The following EWSR1 variants were observed in gnomAD, a reference collection of about 807,000 sequenced individuals.
The protein encoded by EWSR1 is RNA-binding protein EWS.
Under a neutral mutation model 92.1 loss-of-function variants are expected in EWSR1, and 14 were observed. The ratio of observed to expected loss-of-function variants is 0.15; its 90% CI spans 0.10 to 0.24. The LOEUF is 0.24. Ranked by LOEUF, EWSR1 falls within the 10% of genes least tolerant of loss-of-function variation. EWSR1 has a pLI of 1.00. For missense variants in EWSR1, 637 were observed against 870.9 expected (o/e 0.73, Z 3.38); for synonymous variants, 303 against 292.9 (o/e 1.03, Z -0.35).
At chr22:29,268,871 C>A (rs978485559) in intron 1 of EWSR1, among the ~76,000 whole-genome samples, 1 of 152,230 alleles carries the variant, frequency 6.6e-6, no homozygotes, top group Non-Finnish European at 1.5e-5. Context: ...GCGGGAGCCC[C>A]GTCATCCTTA....
In EWSR1 at chr22:29,278,543, G is replaced by T. The variant is rs568816682; in HGVS notation, c.413+327G>T. On this transcript the variant is annotated intron_variant, in intron 5 of 16. Transcript: ENST00000397938. ...TCTCTACTAAAAATGCAAAAATACC[G>T]GGGGGGCGCAGTGGCTCACGCCTGT... 5.9e-5 allele frequency among the ~76,000 whole-genome samples: 9 copies of T among 152,146 alleles called. No individual in the cohort carries two copies. The East Asian group carries it at 1.7e-3, about 30-fold the overall frequency.
rs755371218 is a variant in EWSR1 at position 29,299,302 on chromosome 22, G to C, written c.1649G>C (p.Gly550Ala). ...CNQCKAPKPE[G>A]FLPPPFPPPG... The stretch of plus-strand genomic sequence containing the variant: ...CAGTGTAAGGCCCCAAAGCCTGAAG[G>C]CTTCCTCCCGCCACCCTTTCCGCCC... Residue 550 changes from glycine to alanine, a missense_variant, in exon 15 of 17, where the codon GGC becomes GCC. By Grantham distance (60) the Gly-to-Ala change is moderately conservative (BLOSUM62 0). Transcript: ENST00000397938. 9 of 1,613,810 alleles carry C rather than the reference G, an allele frequency of 5.6e-6. No individual in the cohort carries two copies. Among genetic ancestry groups the C allele is most frequent in the Non-Finnish European group, 7.6e-6 (9 of 1,179,844 alleles).
intron 8 of EWSR1, chr22:29,290,698 T>G: frequency 7.5e-7 from 1 of 1,335,534 alleles, no homozygotes; most frequent in Non-Finnish European, 9.6e-7. Context: ...AGAGAACATT[T>G]TATGGTGTGT....
chr22:29,277,540 G>A (rs2059218945), intron 4 of EWSR1: 1 of 228,596 alleles, frequency 4.4e-6, no homozygotes, highest in Admixed American at 5.7e-5. Flanking sequence ...CAAATTACAG[G>A]TTTTAGTGCT....
At chr22:29,279,850 A>C (rs1212132464) in intron 5 of EWSR1, among the ~76,000 whole-genome samples, 2 of 152,202 alleles carry the variant, frequency 1.3e-5, no homozygotes, top group African/African-American at 4.8e-5. Flanking sequence ...ATGAAGTCCC[A>C]TTTGATACTC....
At position 29,298,745 on chromosome 22, in the gene EWSR1, C is replaced by T. The variant is rs2061090199; in HGVS notation, c.1430C>T (p.Pro477Leu). The T allele has an allele frequency of 2.5e-6, 4 of 1,613,548 alleles. No homozygotes were observed. Among genetic ancestry groups the T allele is most frequent in the Non-Finnish European group, 2.5e-6 (3 of 1,179,950 alleles). The change falls in exon 14 of 17, where the codon CCA becomes CTA. Residue 477 changes from proline (P) to leucine (L), a missense_variant. Pro to Leu is a moderately conservative substitution (Grantham distance 98). This residue lies in a region of EWSR1 where 363 missense variants were observed against 447.8 expected (regional missense o/e 0.81). Transcript: ENST00000397938. ...GTTCTTGTTGTAGGTCCAGGAGGCC[C>T]AGGAGGTCCTGGGGGACCCATGGGT... The part of the protein sequence containing the change: ...PPPLRGGPGG[P>L]GGPGGPMGRM...
intron 6 of EWSR1, 31 bp from the exon 7 acceptor site, chr22:29,286,892 C>CTTTTTTTTTTTTTT (rs754136243): frequency 8.3e-7 from 1 of 1,210,408 alleles, no homozygotes; most frequent in Non-Finnish European, 1.2e-6. Flanking sequence ...TCTAAAAAAG[C>CTTTTTTTTTTTTTT]TTTTTTTTTT....
chr22:29,299,145 G>T (rs1342984782), intron 14 of EWSR1, 89 bp from the exon 15 acceptor site: 6 of 1,608,072 alleles, frequency 3.7e-6, no homozygotes, highest in Non-Finnish European at 5.1e-6. Flanking sequence ...CCTCTTGATA[G>T]TGAGTGTGTA....
intron 7 of EWSR1, among the ~76,000 whole-genome samples, chr22:29,288,395 C>T (rs1373674603): frequency 6.6e-6 from 1 of 152,182 alleles, no homozygotes; most frequent in Non-Finnish European, 1.5e-5. Context: ...TTATTATAGG[C>T]TAACTATATA....
rs8143120 is a variant in EWSR1 at position 29,282,288 on chromosome 22, T to C, written c.414-102T>C. 6.2e-3 allele frequency: 5,391 copies of C among 869,688 alleles called. 212 individuals carry two copies. The African/African-American group carries it at 0.087, about 14-fold the overall frequency. 53.9% of individuals were successfully genotyped at this position (869,688 alleles called of 1,614,324 possible). A position where few individuals can be genotyped will look rare whatever the true frequency, so the allele number is the denominator to read the frequency against. On this transcript the variant is annotated intron_variant, in intron 5 of 16. Transcript: ENST00000397938. ...TTCCAGGCTTAATCATAACATTGCTTATTGCTCGTAGCTTTGTAGCATTCT... is the reference window on the plus strand; with the variant it reads ...TTCCAGGCTTAATCATAACATTGCTCATTGCTCGTAGCTTTGTAGCATTCT...
At chr22:29,282,239 G>A (rs2059667144) in intron 5 of EWSR1, 151 bp from the exon 6 acceptor site, 1 of 629,832 alleles carries the variant, frequency 1.6e-6, no homozygotes, top group Non-Finnish European at 2.6e-6. Flanking sequence ...TTTACTTTAG[G>A]ATTGTATTTA....
At chr22:29,283,234 G>A (rs190203470) in intron 6 of EWSR1, among the ~76,000 whole-genome samples, 39 of 152,310 alleles carry the variant, frequency 2.6e-4, no homozygotes, top group African/African-American at 8.2e-4. Context: ...TAAGTAAAGC[G>A]CAGGGCATTA....
chr22:29,296,414 A>G (rs1226315171), intron 12 of EWSR1, 46 bp downstream of exon 12: 2 of 1,606,946 alleles, frequency 1.2e-6, no homozygotes. Context: ...GCTATAGAAT[A>G]TGGCATGAGG....
At chr22:29,278,718 G>A (rs1184523250) in intron 5 of EWSR1, among the ~76,000 whole-genome samples, 7 of 152,070 alleles carry the variant, frequency 4.6e-5, no homozygotes, top group East Asian at 1.9e-4. Context: ...CCAGCTACTC[G>A]GGAGGCTGAG....
At chr22:29,270,816 G>A (rs1167891066) in intron 1 of EWSR1, among the ~76,000 whole-genome samples, 2 of 151,826 alleles carry the variant, frequency 1.3e-5, no homozygotes, top group African/African-American at 2.4e-5. Flanking sequence ...TCTGCATTTA[G>A]TTTTAATGTC....
chr22:29,277,327 T>G, intron 4 of EWSR1: 1 of 226,190 alleles, frequency 4.4e-6, no homozygotes, highest in Non-Finnish European at 8.8e-6. Flanking sequence ...TGCTTTATGA[T>G]GTGAAAACAT....
chr22:29,294,785 G>C (rs1320214192), intron 11 of EWSR1, among the ~76,000 whole-genome samples: 2 of 151,568 alleles, frequency 1.3e-5, no homozygotes, highest in East Asian at 3.9e-4. Flanking sequence ...GTGGTGACAC[G>C]CGCCTGTAGT....
intron 1 of EWSR1, 98 bp from the exon 2 acceptor site, chr22:29,272,118 T>A: frequency 9.0e-7 from 1 of 1,114,470 alleles, no homozygotes; most frequent in Non-Finnish European, 1.4e-6. Context: ...CCCTACAGTT[T>A]AAAGAATTCT....
chr22:29,287,132 A>G lies in EWSR1; in HGVS notation c.791A>G (p.Gln264Arg), dbSNP rs748136044. Residue 264 changes from glutamine (Q) to arginine (R), a missense_variant and splice_region_variant, in exon 7 of 17, where the codon CAG (glutamine) becomes CGG (arginine). By Grantham distance (43) the Gln-to-Arg change is conservative (BLOSUM62 1). Around this residue, in one of 5 missense-constraint regions of EWSR1, gnomAD observed 116 missense variants for 167.8 expected, o/e 0.69. Transcript: ENST00000397938. ...CAACAGAGCAGCAGCTACGGGCAGC[A>G]GAGTGAGTTGCTAAGAGAGAAAACC... ...YSQQSSSYGQ[Q>R]SSFRQDHPSS... The G allele has an allele frequency of 1.2e-6, 2 of 1,613,898 alleles. No individual in the cohort carries two copies. Among genetic ancestry groups the G allele is most frequent in the East Asian group, 2.2e-5 (1 of 44,896 alleles).
Sources: allele counts gnomAD v4.1 joint callset (sites outside exome capture counted in the v4.1 genomes callset), GRCh38; gene constraint gnomAD v4.1.1; regional missense constraint gnomAD v4.1.1; transcripts MANE v1.5; gene names NCBI Gene and HGNC (gene_info 2026-07-23, HGNC 2026-07-21).